The following SEC61A1 variants were observed in gnomAD, a reference collection of about 807,000 sequenced individuals.
The protein encoded by SEC61A1 is protein transport protein Sec61 subunit alpha isoform 1.
A neutral mutation model predicts 55.2 loss-of-function variants in SEC61A1; 15 were observed. The observed-to-expected ratio is 0.27, with a 90% confidence interval of 0.18 to 0.42. The LOEUF is 0.42. Ranked by LOEUF, SEC61A1 falls within the 10% of genes least tolerant of loss-of-function variation. SEC61A1 has a pLI of 1.00. For synonymous variants in SEC61A1, 247 were observed against 234.0 expected, an observed-to-expected ratio of 1.06 and a Z score of -0.51; for missense variants, 284 against 602.6, an observed-to-expected ratio of 0.47 and a Z score of 5.53.
At chr3:128,060,025 G>A in intron 5 of SEC61A1, 77 bp from the exon 6 acceptor site, 1 of 1,061,888 alleles carries the variant, frequency 9.4e-7, no homozygotes, top group Middle Eastern at 2.1e-4. Context: ...GCCTGGCGTT[G>A]AATTGGTGTT....
At chr3:128,056,864 G>A (rs754729288) in intron 5 of SEC61A1, 24 bp downstream of exon 5, 25 of 1,487,326 alleles carry the variant, frequency 1.7e-5, no homozygotes, top group Middle Eastern at 1.8e-4. Flanking sequence ...TGAATAATCT[G>A]ATGTCTATAG....
intron 11 of SEC61A1, among the ~76,000 whole-genome samples, chr3:128,069,158 A>G (rs1023506007): frequency 6.6e-6 from 1 of 152,252 alleles, no homozygotes; most frequent in Admixed American, 6.5e-5. Context: ...TATCCAAAGT[A>G]TCATTTCAAC....
chr3:128,053,573 A>C (rs1055092996), intron 2 of SEC61A1, among the ~76,000 whole-genome samples: 1 of 152,256 alleles, frequency 6.6e-6, no homozygotes, highest in Non-Finnish European at 1.5e-5. Flanking sequence ...TTGTGTCCTC[A>C]CATTATTTTT....
chr3:128,055,480 T>C, intron 2 of SEC61A1, 36 bp from the exon 3 acceptor site: 2 of 1,533,408 alleles, frequency 1.3e-6, no homozygotes, highest in Non-Finnish European at 1.8e-6. Flanking sequence ...CTTTTCAAAG[T>C]AACTCCCTGC....
chr3:128,059,221 C>A (rs1003068927), intron 5 of SEC61A1, among the ~76,000 whole-genome samples: 1 of 151,724 alleles, frequency 6.6e-6, no homozygotes, highest in African/African-American at 2.4e-5. Context: ...TGTCTGTAAT[C>A]CCCGCACTTT....
intron 5 of SEC61A1, among the ~76,000 whole-genome samples, chr3:128,059,878 TA>T (rs1364132828): frequency 6.6e-6 from 1 of 152,200 alleles, no homozygotes; most frequent in Non-Finnish European, 1.5e-5. Context: ...TAGGAAAAGG[TA>T]AAACTAAAGA....
At chr3:128,051,721 G>C (rs1576417345), upstream of SEC61A1, 2 of 1,457,226 alleles carry the variant, frequency 1.4e-6, no homozygotes, top group Non-Finnish European at 9.0e-7. Context: ...ATCAAGGCTC[G>C]GCACAAAGGT....
chr3:128,052,947 C>T, intron 2 of SEC61A1, 45 bp downstream of exon 2: 1 of 1,462,138 alleles, frequency 6.8e-7, no homozygotes, highest in Middle Eastern at 1.7e-4. Context: ...AGGAAACTGT[C>T]TGGACTCTGG....
rs750471180 is a variant in SEC61A1, at chr3:128,065,088, C to T, written c.777+51C>T. ...GTTTCCATGGTCTGGATTTAAGTTT[C>T]AGAATGCCTTGTGTGCAGTCCCCCA... On this transcript the variant is annotated intron_variant, in intron 8 of 11. Coordinates refer to ENST00000243253, the MANE Select transcript of SEC61A1 (RefSeq NM_013336.4). 19 of 1,584,778 alleles carry T rather than the reference C, an allele frequency of 1.2e-5. No individual in the cohort carries two copies. In the South Asian group the frequency reaches 1.9e-4, roughly 16 times the overall value.
chr3:128,056,727 G>T lies in SEC61A1; in HGVS notation c.239G>T (p.Gly80Val). 1 of 1,595,050 alleles carries T rather than the reference G, an allele frequency of 6.3e-7. No homozygotes were observed. Among genetic ancestry groups the T allele is most frequent in the Non-Finnish European group, 8.5e-7 (1 of 1,171,546 alleles). Residue 80 changes from glycine to valine, a missense_variant, in exon 5 of 12, where the codon GGG (glycine) becomes GTG (valine). Physicochemically the swap from Gly to Val is moderately radical, Grantham distance 109 (BLOSUM62 -3). Coordinates refer to ENST00000243253, the MANE Select transcript of SEC61A1 (RefSeq NM_013336.4). ...CCTCAAGGCACATTGATGGAGCTAG[G>T]GATCTCTCCTATTGTCACGTCTGGC... Reference protein sequence around the residue: ...ASNRGTLMELGISPIVTSGLI... With the variant: ...ASNRGTLMELVISPIVTSGLI...
rs768383315 is a variant in SEC61A1, at chr3:128,060,670, C to T, written c.616+9C>T. 1 of 1,611,648 alleles carries T rather than the reference C, an allele frequency of 6.2e-7. No homozygotes were observed. The highest frequency in any genetic ancestry group is 1.7e-5 in the Admixed American group (1 of 59,434). ...TGTCAACACTGGCCGAGGTAAGGGCCCTGTGCTCCCCTGGTGGCGACAGCT... is the reference window on the plus strand; with the variant it reads ...TGTCAACACTGGCCGAGGTAAGGGCTCTGTGCTCCCCTGGTGGCGACAGCT... On this transcript the variant is annotated intron_variant, in intron 7 of 11. Transcript: ENST00000243253.
rs899702994 is a variant in SEC61A1, at chr3:128,067,319, C to T, written c.976-102C>T. 1 of 1,353,888 alleles carries T rather than the reference C, an allele frequency of 7.4e-7. No homozygotes were observed. Among genetic ancestry groups the T allele is most frequent in the Non-Finnish European group, 1.0e-6 (1 of 979,622 alleles). The allele number at this position is 1,353,888 out of a possible 1,614,324, so 83.9% of individuals were successfully genotyped here. ...CAGTAAAAAAATTGTACTGTGGGCA[C>T]CGAGTAAAATTGCATTCTTTCATCT... On this transcript the variant is annotated intron_variant, in intron 9 of 11. Transcript: ENST00000243253. This position sits in a 1 kb window ranked among gnomAD's most constrained non-coding sequence, Gnocchi z 4.1.
chr3:128,059,081 T>TA (rs1410155430), intron 5 of SEC61A1, among the ~76,000 whole-genome samples: 1 of 152,168 alleles, frequency 6.6e-6, no homozygotes, highest in Non-Finnish European at 1.5e-5. Context: ...AGACTGTACT[T>TA]AGAGGACCCA....
rs181849451 is a variant in SEC61A1, at chr3:128,065,965, A to G, written c.777+928A>G. Among the ~76,000 whole-genome samples, 50 of 151,704 alleles carry G rather than the reference A, an allele frequency of 3.3e-4. No individual in the cohort carries two copies. In the East Asian group the frequency reaches 6.6e-3, roughly 20 times the overall value. On this transcript the variant is annotated intron_variant, in intron 8 of 11. Transcript: ENST00000243253. ...CACCGTGTTAGCCAGGATGGTCTCG[A>G]TCTCCTGACCTCGTGATCCGCCCGC...
intron 5 of SEC61A1, among the ~76,000 whole-genome samples, chr3:128,057,395 C>T (rs1348113862): frequency 6.6e-6 from 1 of 152,120 alleles, no homozygotes. Flanking sequence ...GCCCCTGAGG[C>T]CATGTAATGG....
At position 128,067,712 on chromosome 3, in the gene SEC61A1, G is replaced by A; in HGVS notation, c.1167+100G>A. ...TCATAAATAATGGTCTGTGACGTGT[G>A]CAGATAGATCGTCGTCCTTTAGGGG... On this transcript the variant is annotated intron_variant, in intron 10 of 11. Coordinates refer to ENST00000243253, the MANE Select transcript of SEC61A1 (RefSeq NM_013336.4). This position sits in a 1 kb window ranked among gnomAD's most constrained non-coding sequence, Gnocchi z 4.1. 5 of 988,938 alleles carry A rather than the reference G, an allele frequency of 5.1e-6. No individual in the cohort carries two copies. Among genetic ancestry groups the A allele is most frequent in the East Asian group, 2.4e-5 (1 of 41,116 alleles). The allele number at this position is 988,938 out of a possible 1,614,324, so 61.3% of individuals were successfully genotyped here.
intron 7 of SEC61A1, 174 bp from the exon 8 acceptor site, chr3:128,064,703 T>C (rs1413217859): frequency 3.3e-6 from 2 of 610,292 alleles, no homozygotes; most frequent in Non-Finnish European, 5.7e-6. Flanking sequence ...TTGAATTCTC[T>C]ACAGAAGAGA....
intron 5 of SEC61A1, 33 bp from the exon 6 acceptor site, chr3:128,060,069 C>A: frequency 6.7e-7 from 1 of 1,487,478 alleles, no homozygotes; most frequent in Non-Finnish European, 9.4e-7. Context: ...TGTAGTGACC[C>A]ACTTGGAAAA....
intron 11 of SEC61A1, 128 bp from the exon 12 acceptor site, chr3:128,069,348 G>T (rs1942083598): frequency 1.2e-6 from 1 of 866,742 alleles, no homozygotes. Flanking sequence ...GTTAGTAGAT[G>T]ACTTTCTAGG....
Sources: gnomAD v4.1 joint callset for allele counts (sites outside exome capture counted in the v4.1 genomes callset) on GRCh38, gnomAD v4.1.1 for gene constraint, Gnocchi (gnomAD v3.1) non-coding constraint, MANE v1.5 for transcripts, NCBI Gene and HGNC (gene_info 2026-07-23, HGNC 2026-07-21) for gene names.